Variants in PIBF1 observed in about 807,000 individuals in gnomAD.
PIBF1 encodes the protein progesterone-induced-blocking factor 1.
PIBF1 carries 90 observed loss-of-function variants against 112.5 expected under a neutral mutation model. The observed-to-expected ratio is 0.80, with a 90% CI of 0.67 to 0.95. The LOEUF (loss-of-function observed/expected upper bound fraction) is 0.95, where lower values mean the gene tolerates loss of function less well. PIBF1 is among the 40% of genes least tolerant of loss of function. PIBF1 has a pLI of 0.00. For missense variants in PIBF1, 915 were observed against 852.3 expected (o/e 1.07, Z -0.92); for synonymous variants, 301 against 288.6 (o/e 1.04, Z -0.44).
At chr13:72,987,919 G>A (rs9573079) in intron 16 of PIBF1, among the ~76,000 whole-genome samples, 1 of 132,988 alleles carries the variant, frequency 7.5e-6, no homozygotes, top group African/African-American at 3.0e-5. Context: ...CTGGAGTGCA[G>A]TGGTGTGATC....
chr13:72,794,365 G>A (rs144265725), intron 3 of PIBF1, among the ~76,000 whole-genome samples: 1 of 152,276 alleles, frequency 6.6e-6, no homozygotes, highest in African/African-American at 2.4e-5. Context: ...GTGCAGTGAA[G>A]TCCAGAGTTG....
intron 16 of PIBF1, among the ~76,000 whole-genome samples, chr13:72,984,501 C>A (rs2043227646): frequency 6.6e-6 from 1 of 152,062 alleles, no homozygotes; most frequent in Admixed American, 6.6e-5. Flanking sequence ...GATATATTAT[C>A]TTGTAGTTTT....
intron 11 of PIBF1, among the ~76,000 whole-genome samples, chr13:72,903,770 T>C (rs999265008): frequency 7.2e-5 from 11 of 152,212 alleles, no homozygotes; most frequent in African/African-American, 2.2e-4. Context: ...AGGTATTTTC[T>C]GCCCAAATAG....
chr13:72,921,144 C>G (rs2041273310), intron 13 of PIBF1, among the ~76,000 whole-genome samples: 1 of 151,738 alleles, frequency 6.6e-6, no homozygotes. Context: ...ACTCTGTCAC[C>G]CAGGCTGGAG....
At chr13:72,894,119 G>GGGGA (rs1237394847) in intron 11 of PIBF1, among the ~76,000 whole-genome samples, 170 bp downstream of exon 11, 2 of 145,370 alleles carry the variant, frequency 1.4e-5, no homozygotes, top group Non-Finnish European at 3.0e-5. Flanking sequence ...TACTGAAAAG[G>GGGGA]ACTAGAATTG....
At position 73,012,994 on chromosome 13, in the gene PIBF1, C is replaced by G. The variant is rs993363646; in HGVS notation, c.2224-2875C>G. On this transcript the variant is annotated intron_variant, in intron 17 of 17. Transcript: ENST00000326291. The stretch of plus-strand genomic sequence containing the variant: ...TAAAGGATGACTACAAAAGCTATAG[C>G]ATATATTTAATGAAAATATTAGAAG... 3.3e-5 allele frequency among the ~76,000 whole-genome samples: 5 copies of G among 151,192 alleles called. 1 individual carries two copies. The South Asian group carries it at 1.0e-3, about 32-fold the overall frequency.
At chr13:72,898,999 T>C (rs2040385474) in intron 11 of PIBF1, among the ~76,000 whole-genome samples, 1 of 152,058 alleles carries the variant, frequency 6.6e-6, no homozygotes, top group African/African-American at 2.4e-5. Flanking sequence ...GTGAATATCA[T>C]TACACACATA....
chr13:72,949,298 G>GTTTTTTTTTTTT (rs1566481285), intron 14 of PIBF1, among the ~76,000 whole-genome samples: 1 of 80,910 alleles, frequency 1.2e-5, no homozygotes, highest in Non-Finnish European at 2.4e-5. Context: ...ACAAATAGCT[G>GTTTTTTTTTTTT]TCTTTTTTTT....
At chr13:72,830,998 A>C (rs979308985) in intron 8 of PIBF1, among the ~76,000 whole-genome samples, 8 of 151,836 alleles carry the variant, frequency 5.3e-5, no homozygotes, top group African/African-American at 1.9e-4. Context: ...TAGACTTGGG[A>C]GGGTGTATGT....
At chr13:72,887,190 A>G (rs991537356) in intron 10 of PIBF1, among the ~76,000 whole-genome samples, 1 of 151,930 alleles carries the variant, frequency 6.6e-6, no homozygotes, top group African/African-American at 2.4e-5. Context: ...AAATATACAG[A>G]TAACTAAAAA....
chr13:72,982,681 C>G (rs2043183919), intron 16 of PIBF1, among the ~76,000 whole-genome samples: 1 of 152,076 alleles, frequency 6.6e-6, no homozygotes, highest in Non-Finnish European at 1.5e-5. Context: ...GTTTCTTAAA[C>G]TAATTGTTCT....
chr13:72,835,371 A>T lies in PIBF1; in HGVS notation c.1223+3A>T, dbSNP rs1323166519. The stretch of plus-strand genomic sequence containing the variant: ...GAAATGTATGAACGAGAAAACAGGT[A>T]AAAAAAAAAAAATGCTTGTATGGTA... On this transcript the variant is annotated splice_donor_region_variant and intron_variant, in intron 9 of 17. Coordinates refer to ENST00000326291, the MANE Select transcript of PIBF1 (RefSeq NM_006346.4). The T allele has an allele frequency of 3.4e-5, 16 of 473,810 alleles. No homozygotes were observed. The highest frequency in any genetic ancestry group is 4.3e-5 in the Non-Finnish European group (15 of 347,184). 29.4% of individuals were successfully genotyped at this position (473,810 alleles called of 1,614,324 possible).
intron 16 of PIBF1, among the ~76,000 whole-genome samples, chr13:72,979,932 G>GA (rs1263992419): frequency 1.4e-4 from 22 of 151,822 alleles, no homozygotes; most frequent in Non-Finnish European, 1.2e-4. Flanking sequence ...CTCAAAAAAA[G>GA]AAAAAAGAAA....
chr13:72,943,468 A>T (rs2138824877), intron 14 of PIBF1, among the ~76,000 whole-genome samples: 1 of 152,360 alleles, frequency 6.6e-6, no homozygotes, highest in African/African-American at 2.4e-5. Flanking sequence ...TATGCATATA[A>T]TTATGTATCA....
chr13:72,996,292 C>G (rs2043668961), intron 16 of PIBF1, among the ~76,000 whole-genome samples: 1 of 147,636 alleles, frequency 6.8e-6, no homozygotes, highest in African/African-American at 2.5e-5. Flanking sequence ...AACTGCTCAA[C>G]TTCACTGTAA....
intron 11 of PIBF1, among the ~76,000 whole-genome samples, chr13:72,896,681 CA>C (rs2040293465): frequency 6.6e-6 from 1 of 151,972 alleles, no homozygotes; most frequent in Non-Finnish European, 1.5e-5. Flanking sequence ...TAGAATTGAA[CA>C]AGTAGAAGAA....
chr13:72,889,943 A>C (rs564147323), intron 10 of PIBF1, among the ~76,000 whole-genome samples: 1 of 152,226 alleles, frequency 6.6e-6, no homozygotes, highest in Non-Finnish European at 1.5e-5. Context: ...TTCAAAAATC[A>C]GTTGTTTCTC....
chr13:72,821,660 G>T (rs1334719893), intron 5 of PIBF1, among the ~76,000 whole-genome samples, 189 bp from the exon 6 acceptor site: 3 of 152,134 alleles, frequency 2.0e-5, no homozygotes, highest in Non-Finnish European at 4.4e-5. Context: ...TGAGTTTACA[G>T]ACCACTCTGT....
At chr13:73,012,558 T>TAC (rs1433338244) in intron 17 of PIBF1, among the ~76,000 whole-genome samples, 25 of 147,874 alleles carry the variant, frequency 1.7e-4, no homozygotes, top group South Asian at 4.3e-4. Flanking sequence ...AGACCCTGTC[T>TAC]ACACACACAC....
Sources: allele counts gnomAD v4.1 joint callset (sites outside exome capture counted in the v4.1 genomes callset), GRCh38; gene constraint gnomAD v4.1.1; transcripts MANE v1.5; gene names NCBI Gene and HGNC (gene_info 2026-07-23, HGNC 2026-07-21).